ATRNL1: variants seen among roughly 807,000 people sequenced by gnomAD.
ATRNL1 encodes attractin-like protein 1.
ATRNL1 carries 95 observed loss-of-function variants against 182.7 expected under a neutral mutation model. That is an observed-to-expected ratio of 0.52 (90% CI 0.44 to 0.62). The LOEUF is 0.62. ATRNL1 is among the 20% of genes least tolerant of loss of function. The pLI, the probability that ATRNL1 is intolerant of heterozygous loss-of-function variation, is 0.00. For missense variants in ATRNL1, 1,471 were observed against 1,679.5 expected, an observed-to-expected ratio of 0.88 and a Z score of 2.17; for synonymous variants, 576 against 568.3, an observed-to-expected ratio of 1.01 and a Z score of -0.19.
chr10:115,138,078 T>C (rs544321619), intron 5 of ATRNL1, among the ~76,000 whole-genome samples: 33 of 152,244 alleles, frequency 2.2e-4, no homozygotes, highest in African/African-American at 7.2e-4. Context: ...ACCTTAAAGC[T>C]CCAAAATGAT....
intron 21 of ATRNL1, among the ~76,000 whole-genome samples, chr10:115,436,503 C>T (rs1211016953): frequency 6.6e-6 from 1 of 152,008 alleles, no homozygotes; most frequent in African/African-American, 2.4e-5. Flanking sequence ...AATGCTGAAC[C>T]TACAAAACTT....
intron 24 of ATRNL1, among the ~76,000 whole-genome samples, chr10:115,499,189 C>T (rs1257903567): frequency 1.3e-5 from 2 of 151,994 alleles, no homozygotes; most frequent in Non-Finnish European, 2.9e-5. Context: ...TGTTTTCTAA[C>T]ATTTATAACA....
chr10:115,592,469 A>G (rs1377536742), intron 26 of ATRNL1, among the ~76,000 whole-genome samples: 2 of 152,206 alleles, frequency 1.3e-5, no homozygotes, highest in African/African-American at 2.4e-5. Flanking sequence ...CCAGTTTTAG[A>G]ACATTTTCAT....
intron 25 of ATRNL1, among the ~76,000 whole-genome samples, chr10:115,533,173 A>T (rs1266129919): frequency 1.4e-4 from 22 of 152,072 alleles, no homozygotes; most frequent in Non-Finnish European, 2.2e-4. Context: ...TTTCAGAAGG[A>T]ATGGTACCAG....
intron 10 of ATRNL1, among the ~76,000 whole-genome samples, chr10:115,264,393 T>TA (rs1158510702): frequency 6.6e-6 from 1 of 151,812 alleles, no homozygotes; most frequent in East Asian, 1.9e-4. Context: ...TAATTTGTTT[T>TA]AAAAAATCTT....
chr10:115,233,865 GT>G (rs1389078921), intron 9 of ATRNL1, among the ~76,000 whole-genome samples: 3 of 151,288 alleles, frequency 2.0e-5, no homozygotes, highest in South Asian at 2.1e-4. Context: ...TGTATTATGT[GT>G]TTTTTTTAGT....
intron 8 of ATRNL1, among the ~76,000 whole-genome samples, chr10:115,183,699 A>G (rs780680961): frequency 1.3e-5 from 2 of 151,544 alleles, no homozygotes; most frequent in Non-Finnish European, 3.0e-5. Flanking sequence ...CACCAGGCCT[A>G]GATGATACCA....
At chr10:115,519,858 C>T (rs1311576572) in intron 25 of ATRNL1, among the ~76,000 whole-genome samples, 3 of 152,084 alleles carry the variant, frequency 2.0e-5, no homozygotes, top group Non-Finnish European at 4.4e-5. Context: ...ATATGTCATT[C>T]TACAAGAGAG....
In ATRNL1 at chr10:115,403,326, A is replaced by G. The variant is rs555581566; in HGVS notation, c.3269+8574A>G. ...ATCTTTTCTCTATGTGACTTAATCTACATTGTTATAATAGAGACTACAGAG... is the reference window on the plus strand; with the variant it reads ...ATCTTTTCTCTATGTGACTTAATCTGCATTGTTATAATAGAGACTACAGAG... On this transcript the variant is annotated intron_variant, in intron 20 of 28. Coordinates refer to ENST00000355044, the MANE Select transcript of ATRNL1 (RefSeq NM_207303.4). Among the ~76,000 whole-genome samples, 13 of 140,924 alleles carry G rather than the reference A, an allele frequency of 9.2e-5. No individual in the cohort carries two copies. In the East Asian group the frequency reaches 2.6e-3, roughly 28 times the overall value. The allele number at this position is 140,924 out of a possible 152,430, so 92.5% of individuals were successfully genotyped here.
chr10:115,699,354 A>T (rs1354157081), intron 26 of ATRNL1, among the ~76,000 whole-genome samples: 1 of 152,206 alleles, frequency 6.6e-6, no homozygotes, highest in African/African-American at 2.4e-5. Context: ...AGGAAGTATA[A>T]GATTAGATGA....
At chr10:115,778,076 G>A (rs1555078388) in intron 27 of ATRNL1, among the ~76,000 whole-genome samples, 1 of 152,002 alleles carries the variant, frequency 6.6e-6, no homozygotes, top group Non-Finnish European at 1.5e-5. Flanking sequence ...GGAGAGGAGG[G>A]AAGAATAAAA....
chr10:115,933,728 T>C (rs558968647), intron 28 of ATRNL1, among the ~76,000 whole-genome samples: 1 of 152,314 alleles, frequency 6.6e-6, no homozygotes, highest in African/African-American at 2.4e-5. Context: ...TTTGGGACTT[T>C]TGCTGCAAAC....
intron 27 of ATRNL1, among the ~76,000 whole-genome samples, chr10:115,810,505 C>T (rs186261134): frequency 2.8e-4 from 43 of 152,038 alleles, no homozygotes; most frequent in African/African-American, 9.6e-4. Context: ...TACTAACCTT[C>T]GGCCAGGGTA....
rs782662169 is a variant in ATRNL1 at position 115,549,444 on chromosome 10, G to A, written c.3717-14G>A. The A allele has an allele frequency of 1.5e-5, 23 of 1,575,948 alleles. No homozygotes were observed. The highest frequency in any genetic ancestry group is 1.8e-5 in the Non-Finnish European group (21 of 1,161,468). On this transcript the variant is annotated splice_polypyrimidine_tract_variant and intron_variant, in intron 25 of 28. Transcript: ENST00000355044. ...TAAGTTTTGAGCAAAAATTATTTGT[G>A]TTTTATTTTCCAGTTGTTTCCTATC...
At chr10:115,142,041 A>G (rs1268335102) in intron 5 of ATRNL1, among the ~76,000 whole-genome samples, 3 of 152,170 alleles carry the variant, frequency 2.0e-5, no homozygotes, top group African/African-American at 7.2e-5. Flanking sequence ...ACATCATGGA[A>G]CAAAGAAGAC....
At chr10:115,180,921 G>C (rs562433455) in intron 8 of ATRNL1, among the ~76,000 whole-genome samples, 5 of 151,834 alleles carry the variant, frequency 3.3e-5, no homozygotes, top group Non-Finnish European at 7.4e-5. Flanking sequence ...AAATTCTGTT[G>C]ACTCTGTTGT....
intron 20 of ATRNL1, among the ~76,000 whole-genome samples, chr10:115,403,820 C>CT (rs1844697710): frequency 6.6e-6 from 1 of 152,156 alleles, no homozygotes; most frequent in Non-Finnish European, 1.5e-5. Flanking sequence ...GCAGATAAGA[C>CT]TAATGGTTTC....
At chr10:115,783,907 G>C (rs1949332122) in intron 27 of ATRNL1, among the ~76,000 whole-genome samples, 1 of 152,218 alleles carries the variant, frequency 6.6e-6, no homozygotes, top group South Asian at 2.1e-4. Context: ...CAGCTACTTG[G>C]GAGGCTGAGG....
At chr10:115,380,998 T>C (rs936384998) in intron 19 of ATRNL1, among the ~76,000 whole-genome samples, 1 of 152,232 alleles carries the variant, frequency 6.6e-6, no homozygotes, top group Non-Finnish European at 1.5e-5. Context: ...ATTATACATC[T>C]TGACCAGCAG....
Sources: gnomAD v4.1 joint callset for allele counts (sites outside exome capture counted in the v4.1 genomes callset) on GRCh38, gnomAD v4.1.1 for gene constraint, MANE v1.5 for transcripts, NCBI Gene and HGNC (gene_info 2026-07-23, HGNC 2026-07-21) for gene names.